LYRM4: variants seen among roughly 807,000 people sequenced by gnomAD.
LYRM4 encodes the protein LYR motif-containing protein 4.
Under a neutral mutation model 11.7 loss-of-function variants are expected in LYRM4, and 9 were observed. The ratio of observed to expected loss-of-function variants is 0.77; its 90% CI spans 0.46 to 1.34. The LOEUF (loss-of-function observed/expected upper bound fraction) is 1.34, where lower values mean the gene tolerates loss of function less well. LYRM4 is among the 40% of genes most tolerant of loss of function. The pLI is 0.00. For synonymous variants in LYRM4, 42 were observed against 40.4 expected (o/e 1.04, Z -0.15); for missense variants, 133 against 112.5 (o/e 1.18, Z -0.82).
chr6:5,078,018 C>A, the LYRM4 span, among the ~76,000 whole-genome samples: 3 of 152,154 alleles, frequency 2.0e-5, no homozygotes, highest in African/African-American at 7.2e-5. Flanking sequence ...TTTTGGGGTT[C>A]ATCCTCAGGC....
intron 2 of LYRM4, among the ~76,000 whole-genome samples, chr6:5,188,571 G>C (rs190610286): frequency 6.6e-6 from 1 of 152,150 alleles, no homozygotes; most frequent in East Asian, 1.9e-4. Flanking sequence ...TAAGAGCTTC[G>C]GATCTTAGTC....
chr6:5,152,357 C>T (rs72811665), intron 2 of LYRM4, among the ~76,000 whole-genome samples: 4,683 of 152,228 alleles, frequency 0.031, 101 homozygotes, highest in Non-Finnish European at 0.044. Context: ...CTATGTCACT[C>T]GGGGAAACAC....
the LYRM4 span, among the ~76,000 whole-genome samples, chr6:5,034,870 A>C: frequency 6.6e-6 from 1 of 150,772 alleles, no homozygotes; most frequent in African/African-American, 2.4e-5. Context: ...ACTGGCTCTC[A>C]TGTTCCAGAA....
intron 1 of LYRM4, among the ~76,000 whole-genome samples, chr6:5,254,684 G>C (rs1405198364): frequency 1.3e-5 from 2 of 152,146 alleles, no homozygotes; most frequent in Non-Finnish European, 2.9e-5. Context: ...CTGGCTGTCA[G>C]GCTTGGCACA....
rs187921200 is a variant in LYRM4 at position 5,188,967 on chromosome 6, C to T, written c.207+27651G>A. 1.1e-3 allele frequency among the ~76,000 whole-genome samples: 172 copies of T among 152,214 alleles called. 1 individual carries two copies. Among genetic ancestry groups the T allele is most frequent in the African/African-American group, 4.0e-3 (167 of 41,514 alleles). On this transcript the variant is annotated intron_variant, in intron 2 of 2. Coordinates refer to ENST00000330636, the MANE Select transcript of LYRM4 (RefSeq NM_020408.6). ...TAGAGACAGGGGTTTCACCATGTTG[C>T]CCAGGCTGGTCTCAAACTCCTGGGC...
chr6:5,118,027 C>T (rs1029118702), intron 2 of LYRM4, among the ~76,000 whole-genome samples: 24 of 150,918 alleles, frequency 1.6e-4, no homozygotes, highest in African/African-American at 5.6e-4. Context: ...AAGATAGCTA[C>T]ACTTTCATGG....
At chr6:5,257,012 TGTCCTTACTAGC>T (rs1381881370) in intron 1 of LYRM4, among the ~76,000 whole-genome samples, 7 of 152,222 alleles carry the variant, frequency 4.6e-5, no homozygotes, top group Admixed American at 4.6e-4. Context: ...CCACTATTCC[TGTCCTTACTAGC>T]GTCCTAATCT....
intron 2 of LYRM4, among the ~76,000 whole-genome samples, chr6:5,200,075 G>A (rs1761298784): frequency 6.6e-6 from 1 of 152,226 alleles, no homozygotes; most frequent in Non-Finnish European, 1.5e-5. Context: ...GAGAGAAGGT[G>A]TATGACTTTC....
At chr6:5,183,388 C>A (rs1398361691) in intron 2 of LYRM4, among the ~76,000 whole-genome samples, 1 of 151,664 alleles carries the variant, frequency 6.6e-6, no homozygotes, top group Non-Finnish European at 1.5e-5. Context: ...TATCCTTAGT[C>A]AGTGAAAACA....
intron 2 of LYRM4, among the ~76,000 whole-genome samples, chr6:5,154,675 C>T (rs12529000): frequency 0.15 from 23,436 of 152,054 alleles, 2,462 homozygotes; most frequent in African/African-American, 0.29. Context: ...AAGAATTAGC[C>T]GGGCGTGGTG....
At chr6:5,157,116 A>C (rs570665976) in intron 2 of LYRM4, among the ~76,000 whole-genome samples, 242 of 152,332 alleles carry the variant, frequency 1.6e-3, no homozygotes, top group Non-Finnish European at 3.0e-3. Flanking sequence ...AAGAAAGAAG[A>C]AAGCATTCTT....
At chr6:5,213,783 A>T (rs966366981) in intron 2 of LYRM4, among the ~76,000 whole-genome samples, 12 of 152,218 alleles carry the variant, frequency 7.9e-5, no homozygotes, top group Admixed American at 7.2e-4. Flanking sequence ...TTAGTCAGTG[A>T]AAACTTACTA....
chr6:5,092,923 G>A, the LYRM4 span, among the ~76,000 whole-genome samples: 1,617 of 152,302 alleles, frequency 0.011, 22 homozygotes, highest in African/African-American at 0.035. Context: ...AGATTAGTAA[G>A]TTTCTATTTG....
At chr6:5,054,095 C>T in the LYRM4 span, 11,927 of 984,122 alleles carry the variant, frequency 0.012, 87 homozygotes, top group Middle Eastern at 0.018. Flanking sequence ...CAGGAACTAA[C>T]GCCAGATGCC....
chr6:5,142,162 T>C (rs1757442418), intron 2 of LYRM4, among the ~76,000 whole-genome samples: 1 of 152,180 alleles, frequency 6.6e-6, no homozygotes, highest in Admixed American at 6.5e-5. Context: ...ACAGGTTCTA[T>C]AACCTTGACA....
At chr6:5,172,834 A>G (rs1406099677) in intron 2 of LYRM4, among the ~76,000 whole-genome samples, 4 of 152,160 alleles carry the variant, frequency 2.6e-5, no homozygotes, top group Admixed American at 6.5e-5. Flanking sequence ...CCCCCAAAAT[A>G]CTAATAAAGC....
intron 1 of LYRM4, among the ~76,000 whole-genome samples, chr6:5,240,882 T>C (rs35277899): frequency 0.049 from 7,461 of 152,222 alleles, 600 homozygotes; most frequent in African/African-American, 0.16. Flanking sequence ...CTGGAACGCG[T>C]CAGTCTTATT....
chr6:5,123,914 T>C (rs1228610342), intron 2 of LYRM4, among the ~76,000 whole-genome samples: 1 of 152,192 alleles, frequency 6.6e-6, no homozygotes, highest in Admixed American at 6.5e-5. Flanking sequence ...AGAACAGCTG[T>C]GTGCTGCAAG....
intron 2 of LYRM4, among the ~76,000 whole-genome samples, chr6:5,158,026 ACT>A (rs2127649699): frequency 6.6e-6 from 1 of 152,252 alleles, no homozygotes; most frequent in African/African-American, 2.4e-5. Flanking sequence ...CAAGCCACAC[ACT>A]CTGTTTGCTA....
Sources: allele counts gnomAD v4.1 joint callset (sites outside exome capture counted in the v4.1 genomes callset), GRCh38; gene constraint gnomAD v4.1.1; transcripts MANE v1.5; gene names NCBI Gene and HGNC (gene_info 2026-07-23, HGNC 2026-07-21).